ACSS3: variants seen among roughly 807,000 people sequenced by gnomAD.
ACSS3 encodes the protein acyl-CoA synthetase short-chain family member 3, mitochondrial.
In ACSS3, 64 loss-of-function variants were observed where a neutral mutation model predicts 84.2. The ratio of observed to expected loss-of-function variants is 0.76; its 90% confidence interval spans 0.62 to 0.94. The LOEUF (loss-of-function observed/expected upper bound fraction) is 0.94. Ranked by LOEUF, ACSS3 falls within the 40% of genes least tolerant of loss-of-function variation. The pLI is 0.00. For missense variants in ACSS3, 815 were observed against 867.6 expected (o/e 0.94, Z 0.76); for synonymous variants, 317 against 310.1 (o/e 1.02, Z -0.23).
At chr12:81,087,357 T>C (rs1330307909) in intron 1 of ACSS3, among the ~76,000 whole-genome samples, 1 of 151,514 alleles carries the variant, frequency 6.6e-6, no homozygotes, top group Non-Finnish European at 1.5e-5. Flanking sequence ...ATGCAGCAGT[T>C]AAGTAAAATA....
At chr12:81,191,484 C>G (rs2135873366) in intron 8 of ACSS3, among the ~76,000 whole-genome samples, 1 of 152,180 alleles carries the variant, frequency 6.6e-6, no homozygotes, top group Middle Eastern at 3.4e-3. Context: ...CCGCTATTAT[C>G]TAGAAGATTT....
At chr12:81,092,987 G>T (rs1881766541) in intron 1 of ACSS3, among the ~76,000 whole-genome samples, 2 of 148,246 alleles carry the variant, frequency 1.3e-5, no homozygotes, top group Non-Finnish European at 3.0e-5. Context: ...GCTATGTCTA[G>T]GTTATGTTTG....
rs1172405649 is a variant in ACSS3 at position 81,202,977 on chromosome 12, G to A, written c.1354+3533G>A. On this transcript the variant is annotated intron_variant, in intron 9 of 15. Transcript: ENST00000548058. ...AGAGATTGGCTGACATGATTATGGA[G>A]ACTGAGAAGTCCTGTAATAGGCCAT... Among the ~76,000 whole-genome samples, 4 of 152,148 alleles carry A rather than the reference G, an allele frequency of 2.6e-5. No individual in the cohort carries two copies. The East Asian group carries it at 7.7e-4, about 29-fold the overall frequency.
intron 3 of ACSS3, 85 bp from the exon 4 acceptor site, chr12:81,139,046 G>T (rs557976471): frequency 1.4e-6 from 2 of 1,386,326 alleles, no homozygotes; most frequent in African/African-American, 2.9e-5. Flanking sequence ...TACAAATGTT[G>T]AATTGCCAGT....
chr12:81,214,007 C>CTGTCTGTCTGTCTGTCT (rs1565724543), intron 9 of ACSS3, among the ~76,000 whole-genome samples: 1 of 74,038 alleles, frequency 1.4e-5, no homozygotes. Flanking sequence ...TTCTTTCTTT[C>CTGTCTGTCTGTCTGTCT]ATCTGTCTGT....
At chr12:81,179,035 AG>A (rs1249913107) in intron 8 of ACSS3, among the ~76,000 whole-genome samples, 1 of 152,138 alleles carries the variant, frequency 6.6e-6, no homozygotes, top group African/African-American at 2.4e-5. Flanking sequence ...AACAATAACA[AG>A]CAATTGAGAA....
At chr12:81,166,852 C>T (rs1022230582) in intron 7 of ACSS3, among the ~76,000 whole-genome samples, 1 of 152,244 alleles carries the variant, frequency 6.6e-6, no homozygotes, top group Non-Finnish European at 1.5e-5. Flanking sequence ...CCACACTTCA[C>T]TTCCTGGGCA....
rs970801392 is a variant in ACSS3 at position 81,139,989 on chromosome 12, T to A, written c.780+724T>A. Among the ~76,000 whole-genome samples, 3 of 152,166 alleles carry A rather than the reference T, an allele frequency of 2.0e-5. No homozygotes were observed. The East Asian group carries it at 5.8e-4, about 29-fold the overall frequency. On this transcript the variant is annotated intron_variant, in intron 4 of 15. Transcript: ENST00000548058. ...TAACTAGATGATAATATTATTACTA[T>A]TTTAATAAAAGAAGACTCCAGTGAA...
chr12:81,178,662 A>G (rs190620785), intron 8 of ACSS3, among the ~76,000 whole-genome samples: 1 of 152,310 alleles, frequency 6.6e-6, no homozygotes, highest in East Asian at 1.9e-4. Flanking sequence ...AAATGAATGG[A>G]AAAGCATTCC....
intron 1 of ACSS3, among the ~76,000 whole-genome samples, chr12:81,108,704 T>C (rs565739473): frequency 1.2e-4 from 18 of 152,234 alleles, no homozygotes; most frequent in Non-Finnish European, 2.5e-4. Flanking sequence ...AAGAGCTTTT[T>C]TATTTACTTC....
intron 5 of ACSS3, among the ~76,000 whole-genome samples, chr12:81,146,592 C>T (rs1366587490): frequency 6.6e-6 from 1 of 152,152 alleles, no homozygotes; most frequent in Admixed American, 6.5e-5. Flanking sequence ...TCAGCATTTG[C>T]CAACCCTGGA....
rs1468380367 is a variant in ACSS3 at position 81,211,865 on chromosome 12, C to G, written c.1355-5036C>G. Among the ~76,000 whole-genome samples the G allele has an allele frequency of 5.9e-5, 9 of 152,142 alleles. No homozygotes were observed. The East Asian group carries it at 1.7e-3, about 29-fold the overall frequency. On this transcript the variant is annotated intron_variant, in intron 9 of 15. Transcript: ENST00000548058. ...TCTGCCTCCTCACTATTTCTCTGAC[C>G]TTATTTCCTATCAATACTTTTTGTT...
At chr12:81,246,777 A>C (rs1565742886) in intron 13 of ACSS3, among the ~76,000 whole-genome samples, 2 of 152,180 alleles carry the variant, frequency 1.3e-5, no homozygotes, top group African/African-American at 4.8e-5. Flanking sequence ...TGCAGAGTCA[A>C]AGTTTTATTT....
At chr12:81,241,429 T>C (rs1448390114) in intron 13 of ACSS3, among the ~76,000 whole-genome samples, 1 of 152,156 alleles carries the variant, frequency 6.6e-6, no homozygotes, top group Non-Finnish European at 1.5e-5. Context: ...CCACAATGGT[T>C]GAACTAGTTT....
intron 8 of ACSS3, among the ~76,000 whole-genome samples, chr12:81,195,387 A>T (rs1230262110): frequency 6.6e-6 from 1 of 152,040 alleles, no homozygotes; most frequent in East Asian, 1.9e-4. Context: ...TTAAACGTTA[A>T]AACTTTACAC....
intron 13 of ACSS3, among the ~76,000 whole-genome samples, chr12:81,243,997 AAC>A (rs1407153493): frequency 3.9e-5 from 6 of 152,300 alleles, no homozygotes; most frequent in South Asian, 2.1e-4. Context: ...CAAATAACTT[AAC>A]ATTTCTTGCA....
rs1416801816 is a variant in ACSS3, at chr12:81,229,613, C to A, written c.1515-1444C>A. 2.6e-5 allele frequency among the ~76,000 whole-genome samples: 4 copies of A among 151,858 alleles called. No homozygotes were observed. In the East Asian group the frequency reaches 7.8e-4, roughly 29 times the overall value. On this transcript the variant is annotated intron_variant, in intron 11 of 15. Coordinates refer to ENST00000548058, the MANE Select transcript of ACSS3 (RefSeq NM_024560.4). ...AACCCAGAGGGATTATTGGCTTCAA[C>A]CTATTGCCTTCATACAGATTTAGCA...
In ACSS3 at chr12:81,149,748, A is replaced by C. The variant is rs577452984; in HGVS notation, c.922-2096A>C. Among the ~76,000 whole-genome samples, 39 of 152,298 alleles carry C rather than the reference A, an allele frequency of 2.6e-4. 1 individual carries two copies. Among genetic ancestry groups the C allele is most frequent in the South Asian group, 2.5e-3 (12 of 4,832 alleles). On this transcript the variant is annotated intron_variant, in intron 5 of 15. Transcript: ENST00000548058. The stretch of plus-strand genomic sequence containing the variant: ...CTTCATTTTAATTGTTTTAAATGAG[A>C]ATCTTTGACGGCAACCTCTAATTAT...
chr12:81,187,647 C>T (rs1593175330), intron 8 of ACSS3, among the ~76,000 whole-genome samples: 1 of 151,538 alleles, frequency 6.6e-6, no homozygotes, highest in Non-Finnish European at 1.5e-5. Flanking sequence ...ATAATATAAA[C>T]CCGTTTTGTG....
Sources: gnomAD v4.1 joint callset for allele counts (sites outside exome capture counted in the v4.1 genomes callset) on GRCh38, gnomAD v4.1.1 for gene constraint, MANE v1.5 for transcripts, NCBI Gene and HGNC (gene_info 2026-07-23, HGNC 2026-07-21) for gene names.